The following MTG1 variants were observed in gnomAD, a reference collection of about 807,000 sequenced individuals.
MTG1 encodes mitochondrial ribosome associated GTPase 1, also known as mitochondrial ribosome-associated GTPase 1.
In MTG1, 30 loss-of-function variants were observed where a neutral mutation model predicts 39.5. That is an observed-to-expected ratio of 0.76 (90% CI 0.57 to 1.03). The LOEUF is 1.03. Among genes scored for constraint, MTG1 ranks in the 50% least tolerant of loss-of-function variants. MTG1 has a pLI of 0.00. For missense variants in MTG1, 513 were observed against 447.4 expected (o/e 1.15, Z -1.32); for synonymous variants, 217 against 179.0 (o/e 1.21, Z -1.69).
At chr10:133,397,295 TGA>T (rs1462176926) in intron 3 of MTG1, among the ~76,000 whole-genome samples, 1 of 152,062 alleles carries the variant, frequency 6.6e-6, no homozygotes, top group Non-Finnish European at 1.5e-5. Context: ...AGTGGACACA[TGA>T]CCCACGTGAC....
intron 9 of MTG1, among the ~76,000 whole-genome samples, chr10:133,407,706 T>C (rs921078886): frequency 6.6e-6 from 1 of 152,068 alleles, no homozygotes; most frequent in Non-Finnish European, 1.5e-5. Context: ...GTAGCTGGGA[T>C]TACAGGCGTG....
chr10:133,419,128 C>T (rs1211924496), intron 9 of MTG1, among the ~76,000 whole-genome samples: 2 of 152,358 alleles, frequency 1.3e-5, no homozygotes, highest in East Asian at 1.9e-4. Flanking sequence ...TGGGCCTGCA[C>T]AGAGGCCTGC....
chr10:133,404,417 A>G (rs1484346191), intron 9 of MTG1, among the ~76,000 whole-genome samples: 1 of 152,184 alleles, frequency 6.6e-6, no homozygotes, highest in Non-Finnish European at 1.5e-5. Context: ...ATGAGGCACC[A>G]TGCCCAGCCT....
rs1177661955 is a variant in MTG1, at chr10:133,414,338, A to G, written c.753-5142A>G. Reference sequence around the variant, plus strand: ...TTCTTTCTACACAGACACGGCAACCATCCGATTTCTCAATCTTTTCCCCAC... The same window carrying G: ...TTCTTTCTACACAGACACGGCAACCGTCCGATTTCTCAATCTTTTCCCCAC... On this transcript the variant is annotated intron_variant, in intron 9 of 10. Transcript: ENST00000317502. Among the ~76,000 whole-genome samples, 4 of 152,172 alleles carry G rather than the reference A, an allele frequency of 2.6e-5. No homozygotes were observed. The East Asian group carries it at 5.8e-4, about 22-fold the overall frequency.
intron 9 of MTG1, among the ~76,000 whole-genome samples, chr10:133,406,157 ATCT>A (rs1157201910): frequency 2.6e-5 from 4 of 151,784 alleles, no homozygotes; most frequent in Admixed American, 6.6e-5. Flanking sequence ...AATTATTCAG[ATCT>A]TCTGTCCATT....
At chr10:133,411,913 G>T (rs12267333) in intron 9 of MTG1, among the ~76,000 whole-genome samples, 236 of 151,822 alleles carry the variant, frequency 1.6e-3, no homozygotes, top group East Asian at 7.0e-3. Flanking sequence ...TGATTTGAGC[G>T]CTTACACGTT....
intron 9 of MTG1, among the ~76,000 whole-genome samples, chr10:133,413,481 T>C (rs1332343819): frequency 6.6e-6 from 1 of 152,218 alleles, no homozygotes; most frequent in Non-Finnish European, 1.5e-5. Flanking sequence ...CTTGAACTCC[T>C]GACCTCAAGT....
intron 7 of MTG1, chr10:133,401,826 G>C (rs1453449451): frequency 2.9e-6 from 2 of 678,046 alleles, no homozygotes; most frequent in East Asian, 5.4e-5. Flanking sequence ...AGATGAGGAG[G>C]CCACTGTCCA....
At position 133,399,154 on chromosome 10, in the gene MTG1, T is replaced by C. The variant is rs746797451; in HGVS notation, c.364-16T>C. 7.8e-5 allele frequency: 126 copies of C among 1,613,290 alleles called. No individual in the cohort carries two copies. Among genetic ancestry groups the C allele is most frequent in the Non-Finnish European group, 1.1e-4 (125 of 1,179,840 alleles). On this transcript the variant is annotated splice_polypyrimidine_tract_variant and intron_variant, in intron 4 of 10. Transcript: ENST00000317502. The stretch of plus-strand genomic sequence containing the variant: ...GTCCGACCTGGGGTGGCTCCATGAG[T>C]GGGTGTTTGTTGCAGATCATCCCGA...
rs752267174 is a variant in MTG1, at chr10:133,402,696, G to A, written c.675G>A (p.Thr225=). The A allele has an allele frequency of 1.1e-5, 18 of 1,605,020 alleles. No homozygotes were observed. The highest frequency in any genetic ancestry group is 3.4e-4 in the Middle Eastern group (2 of 5,956). The part of the protein sequence containing the change: ...ETGLKLALCG[T]VLDHLVGEET... ...CCTCGGCTGCTGCTTCCACAGGAAC[G>A]GTGCTGGACCACCTGGTCGGGGAGG... is the stretch of plus-strand genomic sequence containing the variant. Residue 225 remains threonine (T), a synonymous_variant, in exon 9 of 11, where the codon ACG becomes ACA. Transcript: ENST00000317502. This position sits in a 1 kb window ranked among gnomAD's most constrained non-coding sequence, Gnocchi z 4.7.
At chr10:133,411,874 G>A (rs767334330) in intron 9 of MTG1, among the ~76,000 whole-genome samples, 2 of 150,806 alleles carry the variant, frequency 1.3e-5, no homozygotes, top group Non-Finnish European at 3.0e-5. Context: ...AGTTTGCTGA[G>A]TTTTTTTTTA....
At position 133,399,625 on chromosome 10, in the gene MTG1, G is replaced by T; in HGVS notation, c.511+6G>T. The T allele has an allele frequency of 6.2e-7, 1 of 1,613,344 alleles. No homozygotes were observed. The highest frequency in any genetic ancestry group is 8.5e-7 in the Non-Finnish European group (1 of 1,179,734). ...GAGGCAGCACCTCAGGAAAGGTACT[G>T]GCGCGTGCGGCTGATCACCTCAGGA... On this transcript the variant is annotated splice_donor_region_variant and intron_variant, in intron 6 of 10. Transcript: ENST00000317502.
chr10:133,398,832 T>C (rs1849826286), intron 4 of MTG1, among the ~76,000 whole-genome samples: 1 of 152,164 alleles, frequency 6.6e-6, no homozygotes, highest in South Asian at 2.1e-4. Context: ...TAGTTACAGC[T>C]GTCACTGAAG....
At chr10:133,416,064 C>T (rs1850127463) in intron 9 of MTG1, among the ~76,000 whole-genome samples, 1 of 135,992 alleles carries the variant, frequency 7.4e-6, no homozygotes, top group African/African-American at 2.6e-5. Flanking sequence ...CGTCAGGCTG[C>T]TTGGCTTTGC....
Position 133,396,238 on chromosome 10 carries a change from A to G in MTG1, c.253A>G (p.Met85Val), listed in dbSNP as rs148177404. The G allele has an allele frequency of 3.1e-6, 5 of 1,614,054 alleles. No individual in the cohort carries two copies. Among genetic ancestry groups the G allele is most frequent in the African/African-American group, 1.3e-5 (1 of 74,934 alleles). Residue 85 changes from methionine (M) to valine (V), a missense_variant, in exon 3 of 11, where the codon ATG (methionine) becomes GTG (valine). Met to Val is a conservative substitution (Grantham distance 21). Transcript: ENST00000317502. ...GCCTCACTTGCTGGTCCTCAACAAG[A>G]TGGACTTGGCGGATCTTACAGAGCA... ...LKPHLLVLNK[M>V]DLADLTEQQK...
intron 10 of MTG1, 112 bp downstream of exon 10, chr10:133,419,704 G>T (rs189579797): frequency 2.3e-6 from 2 of 880,486 alleles, no homozygotes; most frequent in African/African-American, 1.7e-5. Flanking sequence ...AGCATGCGCC[G>T]GGTCTTCTGG....
At chr10:133,415,008 A>G (rs918172849) in intron 9 of MTG1, among the ~76,000 whole-genome samples, 35 of 152,364 alleles carry the variant, frequency 2.3e-4, no homozygotes, top group African/African-American at 7.9e-4. Flanking sequence ...CACCAAAAAA[A>G]TACGAAAACC....
rs1242402478 is a variant in MTG1, at chr10:133,401,827, C to G, written c.573+237C>G. ...TTTTCCCCATTTCCAGATGAGGAGG[C>G]CACTGTCCAGGGCCATGCAGTGGTC... On this transcript the variant is annotated intron_variant, in intron 7 of 10. Coordinates refer to ENST00000317502, the MANE Select transcript of MTG1 (RefSeq NM_138384.4). 7.4e-6 allele frequency: 5 copies of G among 676,588 alleles called. No individual in the cohort carries two copies. The African/African-American group carries it at 8.8e-5, about 12-fold the overall frequency. 41.9% of individuals were successfully genotyped at this position (676,588 alleles called of 1,614,324 possible).
At chr10:133,399,048 C>G (rs1171981482) in intron 4 of MTG1, 122 bp from the exon 5 acceptor site, 4 of 1,100,334 alleles carry the variant, frequency 3.6e-6, no homozygotes, top group Non-Finnish European at 5.5e-6. Flanking sequence ...TTCTGTTTTC[C>G]TAACGGATAT....
Sources: gnomAD v4.1 joint callset for allele counts (sites outside exome capture counted in the v4.1 genomes callset) on GRCh38, gnomAD v4.1.1 for gene constraint, Gnocchi (gnomAD v3.1) non-coding constraint, MANE v1.5 for transcripts, NCBI Gene and HGNC (gene_info 2026-07-23, HGNC 2026-07-21) for gene names.